TSHZ1: variants seen among roughly 807,000 people sequenced by gnomAD.
TSHZ1 encodes the protein teashirt homolog 1.
In TSHZ1, 12 loss-of-function variants were observed where a neutral mutation model predicts 67.1. The observed-to-expected ratio is 0.18, with a 90% CI of 0.11 to 0.29. The LOEUF is 0.29. Among genes scored for constraint, TSHZ1 ranks in the 10% least tolerant of loss-of-function variants. The pLI is 1.00. For missense variants in TSHZ1, 1,305 were observed against 1,413.9 expected, an observed-to-expected ratio of 0.92 and a Z score of 1.23; for synonymous variants, 632 against 622.4, an observed-to-expected ratio of 1.02 and a Z score of -0.23.
At chr18:75,239,493 A>T (rs1474446718) in intron 1 of TSHZ1, among the ~76,000 whole-genome samples, 2 of 152,164 alleles carry the variant, frequency 1.3e-5, no homozygotes, top group Non-Finnish European at 2.9e-5. Context: ...GAGTGAGATT[A>T]AAGTCCCAGT....
At chr18:75,212,017 C>T (rs572265299) in intron 1 of TSHZ1, 101 bp downstream of exon 1, 5 of 963,898 alleles carry the variant, frequency 5.2e-6, no homozygotes, top group African/African-American at 3.5e-5. Flanking sequence ...GCGGGCCGCC[C>T]CAAGCTGGGG....
chr18:75,212,396 G>A (rs2022710009), intron 1 of TSHZ1, among the ~76,000 whole-genome samples: 1 of 105,340 alleles, frequency 9.5e-6, no homozygotes, highest in Non-Finnish European at 2.2e-5. Context: ...TGTGCAAGAG[G>A]CCCCCCGCCC....
intron 1 of TSHZ1, among the ~76,000 whole-genome samples, chr18:75,250,207 A>G (rs921023253): frequency 2.6e-5 from 4 of 151,038 alleles, no homozygotes; most frequent in African/African-American, 4.9e-5. Flanking sequence ...TCCCCATCTC[A>G]CCCCTGCTGT....
intron 1 of TSHZ1, among the ~76,000 whole-genome samples, chr18:75,246,202 T>G (rs2023219820): frequency 6.6e-6 from 1 of 152,210 alleles, no homozygotes; most frequent in Non-Finnish European, 1.5e-5. Context: ...CCAGCTCCAG[T>G]TCTTTGGAAG....
intron 1 of TSHZ1, among the ~76,000 whole-genome samples, chr18:75,261,634 C>A (rs983034852): frequency 1.6e-4 from 24 of 152,192 alleles, no homozygotes; most frequent in African/African-American, 5.8e-4. Context: ...ATCTTGTTTA[C>A]AACGTAATTT....
intron 1 of TSHZ1, among the ~76,000 whole-genome samples, chr18:75,226,552 C>T (rs1010790336): frequency 6.0e-5 from 9 of 151,118 alleles, no homozygotes; most frequent in African/African-American, 2.2e-4. Flanking sequence ...TGTAAGCTGT[C>T]GTTCAATCTG....
At chr18:75,282,183 G>A (rs537895227) in intron 1 of TSHZ1, among the ~76,000 whole-genome samples, 62 of 152,300 alleles carry the variant, frequency 4.1e-4, no homozygotes, top group African/African-American at 1.4e-3. Flanking sequence ...GGAACTTCCC[G>A]GGTGCAGAAT....
intron 1 of TSHZ1, among the ~76,000 whole-genome samples, chr18:75,267,194 A>G (rs981289657): frequency 6.6e-6 from 1 of 152,196 alleles, no homozygotes; most frequent in African/African-American, 2.4e-5. Flanking sequence ...CTCATTTTAC[A>G]TTGCAGCTCT....
chr18:75,213,055 G>A (rs780259923), intron 1 of TSHZ1, among the ~76,000 whole-genome samples: 1 of 152,204 alleles, frequency 6.6e-6, no homozygotes, highest in Non-Finnish European at 1.5e-5. Flanking sequence ...GTACAGAATA[G>A]AATCTGAATA....
At chr18:75,238,190 G>A (rs2023105499) in intron 1 of TSHZ1, among the ~76,000 whole-genome samples, 1 of 152,186 alleles carries the variant, frequency 6.6e-6, no homozygotes, top group African/African-American at 2.4e-5. Flanking sequence ...CCTTGCACGT[G>A]ACAGATGGAA....
intron 1 of TSHZ1, 117 bp from the exon 2 acceptor site, chr18:75,285,331 T>A: frequency 7.7e-7 from 1 of 1,296,504 alleles, no homozygotes; most frequent in Non-Finnish European, 1.0e-6. Context: ...TGGGGTAGCC[T>A]TGTGTCCTGG....
At position 75,240,493 on chromosome 18, in the gene TSHZ1, G is replaced by C. The variant is rs1324739012; in HGVS notation, c.40+28577G>C. ...GAGGGTTGGGTTGCTTGTGTGCCGCGTCCTGCAGTGGGTCCTGCCCCCAGG... is the reference window on the plus strand; with the variant it reads ...GAGGGTTGGGTTGCTTGTGTGCCGCCTCCTGCAGTGGGTCCTGCCCCCAGG... On this transcript the variant is annotated intron_variant, in intron 1 of 1. Transcript: ENST00000580243. Among the ~76,000 whole-genome samples the C allele has an allele frequency of 2.6e-5, 4 of 152,098 alleles. No homozygotes were observed. In the South Asian group the frequency reaches 8.3e-4, roughly 32 times the overall value.
At chr18:75,232,273 C>G (rs186962846) in intron 1 of TSHZ1, among the ~76,000 whole-genome samples, 255 of 152,218 alleles carry the variant, frequency 1.7e-3, no homozygotes, top group African/African-American at 5.8e-3. Flanking sequence ...AGGAATTTTA[C>G]TTTGCCTCTC....
At chr18:75,230,430 G>A (rs942802359) in intron 1 of TSHZ1, among the ~76,000 whole-genome samples, 3 of 152,282 alleles carry the variant, frequency 2.0e-5, no homozygotes, top group Admixed American at 6.5e-5. Flanking sequence ...CTCAACTTTC[G>A]CAGCCACAAC....
At position 75,281,434 on chromosome 18, in the gene TSHZ1, A is replaced by G. The variant is rs1299633114; in HGVS notation, c.41-4014A>G. ...TGCACACAACGTAGGTGTGATGTGG[A>G]GCACCCGTGTCACATTAGATCTGTG... On this transcript the variant is annotated intron_variant, in intron 1 of 1. Coordinates refer to ENST00000580243, the MANE Select transcript of TSHZ1 (RefSeq NM_001308210.2). The surrounding 1 kb of genome is among the most constrained non-coding windows in gnomAD (Gnocchi z 5.3). 6.6e-6 allele frequency among the ~76,000 whole-genome samples: 1 copy of G among 152,106 alleles called. No homozygotes were observed. The highest frequency in any genetic ancestry group is 2.4e-5 in the African/African-American group (1 of 41,424).
chr18:75,228,252 G>A (rs1407788968), intron 1 of TSHZ1, among the ~76,000 whole-genome samples: 1 of 152,228 alleles, frequency 6.6e-6, no homozygotes, highest in Non-Finnish European at 1.5e-5. Flanking sequence ...TTCCACCCGG[G>A]AAGGCATTAC....
At chr18:75,271,945 G>A (rs17056771) in intron 1 of TSHZ1, among the ~76,000 whole-genome samples, 4,506 of 152,206 alleles carry the variant, frequency 0.03, 96 homozygotes, top group African/African-American at 0.058. Flanking sequence ...TTCCTTCTCC[G>A]CTCGCTTCCT....
intron 1 of TSHZ1, among the ~76,000 whole-genome samples, chr18:75,242,174 C>T (rs2023164722): frequency 2.0e-5 from 3 of 152,104 alleles, no homozygotes; most frequent in South Asian, 4.2e-4. Context: ...GCTCAGGATA[C>T]TTTGTCAAGA....
At position 75,286,469 on chromosome 18, in the gene TSHZ1, G is replaced by T; in HGVS notation, c.1062G>T (p.Arg354=). ...AACTGGTCCCCTCCACCAAAAAGCG[G>T]GCGCTTCAGGACCTGGCGCCCCCCT... ...ITKLVPSTKK[R]ALQDLAPPCS... is the part of the protein sequence containing the mutation. The change falls in exon 2 of 2, where the codon CGG becomes CGT. Residue 354 remains arginine (R), a synonymous_variant. Transcript: ENST00000580243. The surrounding 1 kb of genome is among the most constrained non-coding windows in gnomAD (Gnocchi z 5.1). 6.2e-7 allele frequency: 1 copy of T among 1,614,196 alleles called. No homozygotes were observed. Among genetic ancestry groups the T allele is most frequent in the Non-Finnish European group, 8.5e-7 (1 of 1,180,040 alleles).
Sources: gnomAD v4.1 joint callset for allele counts (sites outside exome capture counted in the v4.1 genomes callset) on GRCh38, gnomAD v4.1.1 for gene constraint, Gnocchi (gnomAD v3.1) non-coding constraint, MANE v1.5 for transcripts, NCBI Gene and HGNC (gene_info 2026-07-23, HGNC 2026-07-21) for gene names.